Variants in CSMD3 observed in about 807,000 individuals in gnomAD.
CSMD3 encodes CUB and sushi domain-containing protein 3.
A neutral mutation model predicts 435.2 loss-of-function variants in CSMD3; 177 were observed. The observed-to-expected ratio is 0.41, with a 90% CI of 0.36 to 0.46. CSMD3 has a LOEUF of 0.46. Among genes scored for constraint, CSMD3 ranks in the 20% least tolerant of loss-of-function variants. The pLI is 0.34. For missense variants in CSMD3, 4,265 were observed against 4,504.6 expected, an observed-to-expected ratio of 0.95 and a Z score of 1.52; for synonymous variants, 1,656 against 1,520.5, an observed-to-expected ratio of 1.09 and a Z score of -2.07.
At chr8:113,377,049 C>CG in intron 1 of CSMD3, 1 of 951,902 alleles carries the variant, frequency 1.1e-6, no homozygotes, top group Non-Finnish European at 1.3e-6. Flanking sequence ...CGGAGCGGAG[C>CG]GGGGCGCGGG....
chr8:112,723,378 T>C (rs1295661665), intron 13 of CSMD3, among the ~76,000 whole-genome samples: 1 of 152,150 alleles, frequency 6.6e-6, no homozygotes, highest in East Asian at 1.9e-4. Flanking sequence ...TTTCCATCTA[T>C]ATTTGAAACC....
intron 10 of CSMD3, among the ~76,000 whole-genome samples, chr8:112,899,833 GGAGAGA>G (rs373458764): frequency 6.9e-6 from 1 of 145,214 alleles, no homozygotes; most frequent in Non-Finnish European, 1.5e-5. Flanking sequence ...GTATATATAT[GGAGAGA>G]GAGAGAGAGA....
intron 5 of CSMD3, among the ~76,000 whole-genome samples, chr8:113,042,010 T>G (rs2087640635): frequency 6.6e-6 from 1 of 152,202 alleles, no homozygotes; most frequent in Non-Finnish European, 1.5e-5. Context: ...TAAAACATAC[T>G]AGAATTAATG....
At chr8:112,273,012 C>T (rs995623953) in intron 59 of CSMD3, among the ~76,000 whole-genome samples, 1 of 152,132 alleles carries the variant, frequency 6.6e-6, no homozygotes, top group Non-Finnish European at 1.5e-5. Context: ...TTATTTTATG[C>T]AATACGATAT....
At position 112,281,208 on chromosome 8, in the gene CSMD3, A is replaced by G. The variant is rs2130577650; in HGVS notation, c.9474T>C (p.Asn3158=). Residue 3158 remains asparagine (N), a synonymous_variant, in exon 59 of 71, where the codon AAT becomes AAC. Coordinates refer to ENST00000297405, the MANE Select transcript of CSMD3 (RefSeq NM_198123.2). ...TAGGTAAAGTTCCAGACCATGTTCCATTGGCTGTGCACTGTCTAACTGAAG... is the reference window on the plus strand; with the variant it reads ...TAGGTAAAGTTCCAGACCATGTTCCGTTGGCTGTGCACTGTCTAACTGAAG... ...SGPSVRQCTA[N]GTWSGTLPNC... The G allele has an allele frequency of 1.2e-6, 2 of 1,613,348 alleles. No individual in the cohort carries two copies. Among genetic ancestry groups the G allele is most frequent in the Admixed American group, 1.7e-5 (1 of 59,976 alleles).
intron 13 of CSMD3, among the ~76,000 whole-genome samples, chr8:112,702,827 G>A (rs371511154): frequency 1.8e-4 from 27 of 152,096 alleles, no homozygotes; most frequent in African/African-American, 6.5e-4. Flanking sequence ...ATGTAAGGCA[G>A]CCCACTCCAT....
chr8:112,975,922 T>C lies in CSMD3; in HGVS notation c.1257A>G (p.Pro419=), dbSNP rs761422633. 13 of 1,614,070 alleles carry C rather than the reference T, an allele frequency of 8.1e-6. No individual in the cohort carries two copies. In the East Asian group the frequency reaches 2.9e-4, roughly 36 times the overall value. ...TTCTCCTGGTACTTTGTGTATCTGCTGGATGAGGAGAGAGCCCGTCCTTGG... is the reference window on the plus strand; with the variant it reads ...TTCTCCTGGTACTTTGTGTATCTGCCGGATGAGGAGAGAGCCCGTCCTTGG... ...NTSKDGLSPH[P]ADTQSTRRRP... is the part of the protein sequence containing the mutation. Residue 419 remains proline, a synonymous_variant, in exon 7 of 71, where the codon CCA becomes CCG. Transcript: ENST00000297405.
intron 4 of CSMD3, among the ~76,000 whole-genome samples, chr8:113,171,765 C>T (rs1270943836): frequency 6.6e-6 from 1 of 152,146 alleles, no homozygotes; most frequent in Non-Finnish European, 1.5e-5. Flanking sequence ...CCATTGAATG[C>T]TCATGTTTCT....
intron 1 of CSMD3, among the ~76,000 whole-genome samples, chr8:113,433,702 C>T (rs1016224095): frequency 3.9e-5 from 6 of 152,308 alleles, no homozygotes; most frequent in African/African-American, 1.4e-4. Context: ...GGTGTGTGTT[C>T]CCCTGGGATC....
At chr8:112,654,691 T>G (rs1007693340) in intron 18 of CSMD3, among the ~76,000 whole-genome samples, 9 of 152,228 alleles carry the variant, frequency 5.9e-5, no homozygotes, top group Non-Finnish European at 8.8e-5. Flanking sequence ...GAGAACATAC[T>G]GCATGTTACC....
At chr8:112,365,052 A>G (rs1167916548) in intron 38 of CSMD3, among the ~76,000 whole-genome samples, 3 of 152,116 alleles carry the variant, frequency 2.0e-5, no homozygotes, top group Non-Finnish European at 4.4e-5. Context: ...GATAGCCTAT[A>G]TCATAAAATA....
intron 7 of CSMD3, among the ~76,000 whole-genome samples, chr8:112,970,496 C>T (rs1357337783): frequency 6.6e-6 from 1 of 151,148 alleles, no homozygotes; most frequent in African/African-American, 2.4e-5. Flanking sequence ...GATATATATC[C>T]GTTATCTAAT....
chr8:112,475,177 G>A (rs1563586402), intron 31 of CSMD3, among the ~76,000 whole-genome samples: 1 of 152,144 alleles, frequency 6.6e-6, no homozygotes. Flanking sequence ...TGGGAAGTAT[G>A]ATAGAAATGG....
chr8:112,981,889 C>T (rs946776689), intron 6 of CSMD3, among the ~76,000 whole-genome samples: 6 of 151,718 alleles, frequency 4.0e-5, no homozygotes, highest in Non-Finnish European at 7.4e-5. Flanking sequence ...CAAAACAATA[C>T]GTACACATAA....
At chr8:113,110,493 T>A (rs1245956849) in intron 4 of CSMD3, among the ~76,000 whole-genome samples, 1 of 152,186 alleles carries the variant, frequency 6.6e-6, no homozygotes, top group African/African-American at 2.4e-5. Flanking sequence ...AAGGATCACC[T>A]TTTCTCTAGT....
chr8:112,942,979 C>T (rs115204323), intron 9 of CSMD3, among the ~76,000 whole-genome samples: 2,522 of 151,742 alleles, frequency 0.017, 63 homozygotes, highest in African/African-American at 0.058. Context: ...TTTACTTTCT[C>T]GGCAGCATTT....
At chr8:112,854,742 C>T (rs934237731) in intron 11 of CSMD3, among the ~76,000 whole-genome samples, 4 of 152,122 alleles carry the variant, frequency 2.6e-5, no homozygotes, top group East Asian at 1.9e-4. Flanking sequence ...TCTTAAAACC[C>T]GAGTTTTCAG....
intron 32 of CSMD3, among the ~76,000 whole-genome samples, chr8:112,418,217 GT>G (rs1321069022): frequency 6.6e-6 from 1 of 152,002 alleles, no homozygotes; most frequent in African/African-American, 2.4e-5. Flanking sequence ...CTCTTATAAT[GT>G]TTGGCTACTT....
At chr8:113,393,347 G>A (rs893861115) in intron 1 of CSMD3, among the ~76,000 whole-genome samples, 1 of 152,044 alleles carries the variant, frequency 6.6e-6, no homozygotes, top group African/African-American at 2.4e-5. Context: ...CACAGAAAAT[G>A]AATTCTGAAG....
Sources: gnomAD v4.1 joint callset for allele counts (sites outside exome capture counted in the v4.1 genomes callset) on GRCh38, gnomAD v4.1.1 for gene constraint, MANE v1.5 for transcripts, NCBI Gene and HGNC (gene_info 2026-07-23, HGNC 2026-07-21) for gene names.